Variants in RETREG2 observed in about 807,000 individuals in gnomAD.
The protein encoded by RETREG2 is reticulophagy regulator family member 2.
In RETREG2, 21 loss-of-function variants were observed where a neutral mutation model predicts 51.6. The ratio of observed to expected loss-of-function variants is 0.41; its 90% CI spans 0.29 to 0.59. The LOEUF (loss-of-function observed/expected upper bound fraction) is 0.59. Ranked by LOEUF, RETREG2 falls within the 20% of genes least tolerant of loss-of-function variation. The pLI is 0.34. For synonymous variants in RETREG2, 339 were observed against 288.6 expected, an observed-to-expected ratio of 1.17 and a Z score of -1.77; for missense variants, 674 against 646.0, an observed-to-expected ratio of 1.04 and a Z score of -0.47.
Position 219,181,112 on chromosome 2 carries a change from A to G in RETREG2, c.691A>G (p.Arg231Gly). Residue 231 changes from arginine to glycine, a missense_variant, in exon 6 of 9, where the codon AGG becomes GGG. Transcript: ENST00000430297. ...PLVVYHELIQ[R>G]MYTRLEPLLM... The stretch of plus-strand genomic sequence containing the variant: ...GGTGGTTTATCATGAGCTGATCCAG[A>G]GGATGTACACTCGCCTGGAGCCCCT... 6.2e-7 allele frequency: 1 copy of G among 1,614,134 alleles called. No homozygotes were observed. The highest frequency in any genetic ancestry group is 8.5e-7 in the Non-Finnish European group (1 of 1,180,000).
rs936658650 is a variant in RETREG2, at chr2:219,182,889, C to T, written c.*260C>T. ...TGTGAACAGGGCTAGGGAAGTCCTT[C>T]CCACAGCCTGCGCTTGCCTCCCTGC... is the stretch of plus-strand genomic sequence containing the variant. On this transcript the variant is annotated 3_prime_UTR_variant, in exon 9 of 9. Coordinates refer to ENST00000430297, the MANE Select transcript of RETREG2 (RefSeq NM_024293.6). The T allele has an allele frequency of 5.8e-6, 3 of 515,688 alleles. No individual in the cohort carries two copies. The highest frequency in any genetic ancestry group is 1.1e-5 in the Non-Finnish European group (3 of 285,324). 31.9% of individuals were successfully genotyped at this position (515,688 alleles called of 1,614,324 possible).
At chr2:219,180,798 C>T (rs1347455924) in intron 5 of RETREG2, 44 bp downstream of exon 5, 9 of 1,605,866 alleles carry the variant, frequency 5.6e-6, no homozygotes, top group East Asian at 2.2e-5. Context: ...CCTCTCCTTT[C>T]TTCTTTCCTT....
At chr2:219,178,790 T>C in intron 1 of RETREG2, 132 bp from the exon 2 acceptor site, 3 of 1,066,044 alleles carry the variant, frequency 2.8e-6, no homozygotes, top group Non-Finnish European at 3.9e-6. Context: ...TTTTTTTCTA[T>C]CTCTGAGTCG....
chr2:219,180,452 C>T (rs922729341), intron 4 of RETREG2, among the ~76,000 whole-genome samples: 7 of 152,350 alleles, frequency 4.6e-5, no homozygotes, highest in Middle Eastern at 3.4e-3. Flanking sequence ...CTGACACTTT[C>T]TCCTGCCAAG....
intron 2 of RETREG2, 78 bp from the exon 3 acceptor site, chr2:219,179,655 G>T: frequency 7.1e-7 from 1 of 1,403,536 alleles, no homozygotes; most frequent in Non-Finnish European, 1.0e-6. Flanking sequence ...TGCAGAGGAG[G>T]GACAACTATT....
At position 219,180,124 on chromosome 2, in the gene RETREG2, C is replaced by T; in HGVS notation, c.434C>T (p.Ser145Leu). 6.2e-7 allele frequency: 1 copy of T among 1,614,042 alleles called. No homozygotes were observed. Among genetic ancestry groups the T allele is most frequent in the Non-Finnish European group, 8.5e-7 (1 of 1,180,012 alleles). Residue 145 changes from serine (S) to leucine (L), a missense_variant, in exon 4 of 9, where the codon TCA becomes TTA. Transcript: ENST00000430297. ...EPHSDSEGAG[S>L]GARPHLLSVP... ...TGTCTCCCCAGTGAGGGTGCGGGGTCAGGCGCCCGGCCGCACCTGCTGAGT... is the reference window on the plus strand; with the variant it reads ...TGTCTCCCCAGTGAGGGTGCGGGGTTAGGCGCCCGGCCGCACCTGCTGAGT...
chr2:219,180,816 C>T, intron 5 of RETREG2, 62 bp downstream of exon 5: 1 of 1,557,836 alleles, frequency 6.4e-7, no homozygotes, highest in Non-Finnish European at 8.9e-7. Context: ...CTTGGACTGA[C>T]CCAGAGGGAA....
chr2:219,178,522 G>T lies in RETREG2; in HGVS notation c.170G>T (p.Trp57Leu). Residue 57 changes from tryptophan to leucine, a missense_variant, in exon 1 of 9, where the codon TGG (tryptophan) becomes TTG (leucine). Physicochemically the swap from Trp to Leu is moderately conservative, Grantham distance 61. Transcript: ENST00000430297. ...GTGGGACGCCTGGCCACGACGCTGT[G>T]GCTGCGGCTCCGCGGCTGGGAGGCG... ...EAVGRLATTL[W>L]LRLRGWEAVL... 1 of 1,420,318 alleles carries T rather than the reference G, an allele frequency of 7.0e-7. No homozygotes were observed. Among genetic ancestry groups the T allele is most frequent in the Non-Finnish European group, 9.2e-7 (1 of 1,090,874 alleles). 88.0% of individuals were successfully genotyped at this position (1,420,318 alleles called of 1,614,324 possible). A position where few individuals can be genotyped will look rare whatever the true frequency, so the allele number is the denominator to read the frequency against.
At chr2:219,179,966 C>A in intron 3 of RETREG2, 144 bp from the exon 4 acceptor site, 2 of 1,256,728 alleles carry the variant, frequency 1.6e-6, no homozygotes, top group Non-Finnish European at 2.3e-6. Flanking sequence ...CCTGGCTTTG[C>A]TTCTAAGACC....
Position 219,179,769 on chromosome 2 carries a change from T to A in RETREG2, c.419+6T>A. ...GAGGAGCCACACTCTGACAGGTGAG[T>A]ACAGGCCACCTCTTGAAGACAAATG... On this transcript the variant is annotated splice_donor_region_variant and intron_variant, in intron 3 of 8. Transcript: ENST00000430297. The A allele has an allele frequency of 6.2e-7, 1 of 1,613,708 alleles. No individual in the cohort carries two copies. The highest frequency in any genetic ancestry group is 8.5e-7 in the Non-Finnish European group (1 of 1,179,684).
In RETREG2 at chr2:219,184,014, G is replaced by A. The variant is rs1195116368; in HGVS notation, c.*1385G>A. The A allele has an allele frequency of 6.6e-6, 1 of 152,196 alleles. No individual in the cohort carries two copies. The highest frequency in any genetic ancestry group is 1.9e-4 in the East Asian group (1 of 5,206). The allele number at this position is 152,196 out of a possible 1,614,324, so 9.4% of individuals were successfully genotyped here. The stretch of plus-strand genomic sequence containing the variant: ...GCTCTGAGTGATTTATATGTATTAA[G>A]ATTTTTCCTCACAGGTCAGATATAT... On this transcript the variant is annotated 3_prime_UTR_variant, in exon 9 of 9. Coordinates refer to ENST00000430297, the MANE Select transcript of RETREG2 (RefSeq NM_024293.6).
At position 219,182,408 on chromosome 2, in the gene RETREG2, C is replaced by T. The variant is rs145044869; in HGVS notation, c.1411C>T (p.Pro471Ser). 61 of 1,612,674 alleles carry T rather than the reference C, an allele frequency of 3.8e-5. No individual in the cohort carries two copies. Among genetic ancestry groups the T allele is most frequent in the Non-Finnish European group, 5.0e-5 (59 of 1,178,894 alleles). ...CTCCCCTTCCATTCTCCCACCTGTTCCCCAGGACTCACCCCAGCCCCTGCC... is the reference window on the plus strand; with the variant it reads ...CTCCCCTTCCATTCTCCCACCTGTTTCCCAGGACTCACCCCAGCCCCTGCC... ...APSPSILPPV[P>S]QDSPQPLPAP... The change falls in exon 9 of 9, where the codon CCC (proline) becomes TCC (serine). Residue 471 changes from proline to serine, a missense_variant. Transcript: ENST00000430297.
intron 2 of RETREG2, 32 bp downstream of exon 2, chr2:219,179,060 TG>T (rs1280777078): frequency 6.6e-7 from 1 of 1,507,212 alleles, no homozygotes; most frequent in East Asian, 2.3e-5. Context: ...AAGCACCCAT[TG>T]GGTACTTGCT....
In RETREG2 at chr2:219,182,663, A is replaced by G; in HGVS notation, c.*34A>G. ...TTGAGGAAGGAGCTGCAGGCACAGT[A>G]GGGCTTCCTGGCTAGGAGTGTTGCT... On this transcript the variant is annotated 3_prime_UTR_variant, in exon 9 of 9. Coordinates refer to ENST00000430297, the MANE Select transcript of RETREG2 (RefSeq NM_024293.6). 6.2e-7 allele frequency: 1 copy of G among 1,606,498 alleles called. No individual in the cohort carries two copies. Among genetic ancestry groups the G allele is most frequent in the East Asian group, 2.2e-5 (1 of 44,724 alleles).
Position 219,178,378 on chromosome 2 carries a change from A to G in RETREG2, c.26A>G (p.Asn9Ser). 2.1e-6 allele frequency: 1 copy of G among 476,110 alleles called. No individual in the cohort carries two copies. The highest frequency in any genetic ancestry group is 3.8e-5 in the South Asian group (1 of 26,080). 29.5% of individuals were successfully genotyped at this position (476,110 alleles called of 1,614,324 possible). Residue 9 changes from asparagine (N) to serine (S), a missense_variant, in exon 1 of 9, where the codon AAC becomes AGC. Physicochemically the swap from Asn to Ser is conservative, Grantham distance 46 (BLOSUM62 1). Coordinates refer to ENST00000430297, the MANE Select transcript of RETREG2 (RefSeq NM_024293.6). MASGGGGG[N>S]TGAGGGPGMG... ...ATGGCGAGCGGCGGTGGCGGGGGTAACACTGGCGCGGGTGGGGGGCCGGGG... is the reference window on the plus strand; with the variant it reads ...ATGGCGAGCGGCGGTGGCGGGGGTAGCACTGGCGCGGGTGGGGGGCCGGGG...
intron 4 of RETREG2, 121 bp downstream of exon 4, chr2:219,180,366 CCTT>C: frequency 7.5e-7 from 1 of 1,337,966 alleles, no homozygotes; most frequent in Non-Finnish European, 1.0e-6. Flanking sequence ...GGCCTGGGCG[CCTT>C]CTTGAGGCAA....
chr2:219,180,652 T>C lies in RETREG2; in HGVS notation c.556-18T>C. 8 of 1,614,168 alleles carry C rather than the reference T, an allele frequency of 5.0e-6. No individual in the cohort carries two copies. Among genetic ancestry groups the C allele is most frequent in the Non-Finnish European group, 5.9e-6 (7 of 1,180,002 alleles). On this transcript the variant is annotated intron_variant, in intron 4 of 8. Coordinates refer to ENST00000430297, the MANE Select transcript of RETREG2 (RefSeq NM_024293.6). Reference sequence around the variant, plus strand: ...ATATCTCAGCGTGATGTTCTTAGACTTTTGCTCTTCTCTGCAGTTCTGCGT... The same window carrying C: ...ATATCTCAGCGTGATGTTCTTAGACCTTTGCTCTTCTCTGCAGTTCTGCGT...
intron 5 of RETREG2, 98 bp from the exon 6 acceptor site, chr2:219,180,964 C>T (rs1301326138): frequency 1.3e-6 from 2 of 1,538,310 alleles, no homozygotes; most frequent in Non-Finnish European, 1.8e-6. Context: ...TGGGAAAGGA[C>T]CTTGCCTACC....
In RETREG2 at chr2:219,178,558, C is replaced by T; in HGVS notation, c.206C>T (p.Ala69Val). ...CGCGGCTGGGAGGCGGTGCTGGCGG[C>T]GGCGCAGCGGTTGCTGGTGTGGGAG... ...RLRGWEAVLA[A>V]AQRLLVWEKP... Residue 69 changes from alanine (A) to valine (V), a missense_variant, in exon 1 of 9, where the codon GCG becomes GTG. Ala to Val is a moderately conservative substitution (Grantham distance 64). Coordinates refer to ENST00000430297, the MANE Select transcript of RETREG2 (RefSeq NM_024293.6). 2.1e-6 allele frequency: 3 copies of T among 1,447,410 alleles called. No homozygotes were observed. Among genetic ancestry groups the T allele is most frequent in the Non-Finnish European group, 2.7e-6 (3 of 1,108,036 alleles). The allele number at this position is 1,447,410 out of a possible 1,614,324, so 89.7% of individuals were successfully genotyped here.
Sources: gnomAD v4.1 joint callset for allele counts (sites outside exome capture counted in the v4.1 genomes callset) on GRCh38, gnomAD v4.1.1 for gene constraint, MANE v1.5 for transcripts, NCBI Gene and HGNC (gene_info 2026-07-23, HGNC 2026-07-21) for gene names.